The following MGMT variants were observed in gnomAD, a reference collection of about 807,000 sequenced individuals.
MGMT encodes the protein methylated-DNA--protein-cysteine methyltransferase.
A neutral mutation model predicts 15.9 loss-of-function variants in MGMT; 14 were observed. That is an observed-to-expected ratio of 0.88 (90% CI 0.58 to 1.37). MGMT has a LOEUF of 1.37. Ranked by LOEUF, MGMT falls within the 40% of genes most tolerant of loss-of-function variation. MGMT has a pLI of 0.00. For synonymous variants in MGMT, 130 were observed against 118.2 expected, an observed-to-expected ratio of 1.10 and a Z score of -0.65; for missense variants, 282 against 268.1, an observed-to-expected ratio of 1.05 and a Z score of -0.36.
intron 2 of MGMT, among the ~76,000 whole-genome samples, chr10:129,569,799 G>C (rs1467983033): frequency 6.6e-6 from 1 of 152,228 alleles, no homozygotes; most frequent in Non-Finnish European, 1.5e-5. Flanking sequence ...TTTGTGGGAC[G>C]TGTTCTCAAC....
intron 3 of MGMT, among the ~76,000 whole-genome samples, chr10:129,719,919 A>T (rs1451849656): frequency 6.6e-6 from 1 of 152,210 alleles, no homozygotes; most frequent in Admixed American, 6.5e-5. Context: ...TATTTCACAG[A>T]TAGTCTTTTC....
rs1464601648 is a variant in MGMT at position 129,571,972 on chromosome 10, T to C, written c.125+35595T>C. Among the ~76,000 whole-genome samples, 50 of 152,180 alleles carry C rather than the reference T, an allele frequency of 3.3e-4. 1 individual carries two copies. Among genetic ancestry groups the C allele is most frequent in the Admixed American group, 3.3e-3 (50 of 15,274 alleles). On this transcript the variant is annotated intron_variant, in intron 2 of 4. Coordinates refer to ENST00000651593, the MANE Select transcript of MGMT (RefSeq NM_002412.5). ...ACAATTCACGGTGCATTTTAATTGA[T>C]TGTACCCAAGTGACACTCCGTGGAA...
At chr10:129,678,075 C>G (rs1411451059) in intron 2 of MGMT, among the ~76,000 whole-genome samples, 1 of 151,948 alleles carries the variant, frequency 6.6e-6, no homozygotes, top group Non-Finnish European at 1.5e-5. Flanking sequence ...TCCAGAAACG[C>G]TCCTCTCGGG....
In MGMT at chr10:129,569,459, T is replaced by G. The variant is rs1313555103; in HGVS notation, c.125+33082T>G. Among the ~76,000 whole-genome samples the G allele has an allele frequency of 4.6e-5, 7 of 152,332 alleles. 1 individual carries two copies. In the South Asian group the frequency reaches 1.4e-3, roughly 32 times the overall value. ...TTCATTTATCATCCACGCTAGAGAC[T>G]GGTCTTCCAGAGGATATTCCTACCT... On this transcript the variant is annotated intron_variant, in intron 2 of 4. Coordinates refer to ENST00000651593, the MANE Select transcript of MGMT (RefSeq NM_002412.5).
At chr10:129,631,304 G>A (rs1365919210) in intron 2 of MGMT, among the ~76,000 whole-genome samples, 2 of 152,184 alleles carry the variant, frequency 1.3e-5, no homozygotes, top group Non-Finnish European at 2.9e-5. Flanking sequence ...GTGTTAAAGA[G>A]CCAAATAGTA....
intron 2 of MGMT, among the ~76,000 whole-genome samples, chr10:129,604,540 C>G (rs1005578316): frequency 6.6e-6 from 1 of 152,154 alleles, no homozygotes; most frequent in African/African-American, 2.4e-5. Flanking sequence ...TCAATCCATG[C>G]AAGTTTTATG....
At chr10:129,473,049 A>G (rs1845250381) in intron 1 of MGMT, among the ~76,000 whole-genome samples, 1 of 152,186 alleles carries the variant, frequency 6.6e-6, no homozygotes, top group South Asian at 2.1e-4. Context: ...GGCACTTGGC[A>G]GTTGCTGATA....
intron 2 of MGMT, among the ~76,000 whole-genome samples, chr10:129,651,406 T>A (rs542023266): frequency 6.6e-6 from 1 of 152,150 alleles, no homozygotes; most frequent in Non-Finnish European, 1.5e-5. Flanking sequence ...AAACCTTTTT[T>A]TTAAGAAAAA....
rs1033206939 is a variant in MGMT, at chr10:129,769,159, C to G, written c.*2162C>G. ...CCTTGGTGCAGTACAAAACCATGTTCTGCTTCCTCTCCGAGGGTTTCCGCG... is the reference window on the plus strand; with the variant it reads ...CCTTGGTGCAGTACAAAACCATGTTGTGCTTCCTCTCCGAGGGTTTCCGCG... On this transcript the variant is annotated 3_prime_UTR_variant, in exon 5 of 5. Coordinates refer to ENST00000651593, the MANE Select transcript of MGMT (RefSeq NM_002412.5). 1 of 152,280 alleles carries G rather than the reference C, an allele frequency of 6.6e-6. No individual in the cohort carries two copies. The highest frequency in any genetic ancestry group is 1.5e-5 in the Non-Finnish European group (1 of 68,082). The allele number at this position is 152,280 out of a possible 1,614,324, so 9.4% of individuals were successfully genotyped here. A position where few individuals can be genotyped will look rare whatever the true frequency, so the allele number is the denominator to read the frequency against.
intron 2 of MGMT, among the ~76,000 whole-genome samples, chr10:129,697,313 T>C (rs1441976332): frequency 6.6e-6 from 1 of 152,152 alleles, no homozygotes; most frequent in Non-Finnish European, 1.5e-5. Context: ...CATGTGGGCG[T>C]GTGGACTTGT....
intron 2 of MGMT, among the ~76,000 whole-genome samples, chr10:129,650,793 C>T (rs1252160459): frequency 6.6e-6 from 1 of 152,168 alleles, no homozygotes; most frequent in Non-Finnish European, 1.5e-5. Flanking sequence ...CATTTGGAGC[C>T]ATGTCCTTGG....
intron 2 of MGMT, among the ~76,000 whole-genome samples, chr10:129,544,360 T>A (rs939796087): frequency 6.6e-6 from 1 of 152,228 alleles, no homozygotes; most frequent in African/African-American, 2.4e-5. Flanking sequence ...ACTTCTTGGC[T>A]CAAATCCCTG....
intron 2 of MGMT, among the ~76,000 whole-genome samples, chr10:129,610,344 ACTC>A (rs1490021243): frequency 1.3e-5 from 2 of 151,530 alleles, no homozygotes; most frequent in African/African-American, 4.9e-5. Flanking sequence ...TTCTCTCTAA[ACTC>A]CTCTCCTCCA....
chr10:129,671,879 A>G (rs983582244), intron 2 of MGMT, among the ~76,000 whole-genome samples: 1 of 152,230 alleles, frequency 6.6e-6, no homozygotes, highest in Non-Finnish European at 1.5e-5. Flanking sequence ...GGCTATGGAC[A>G]TGAGTTTGGC....
chr10:129,635,084 G>A (rs557288285), intron 2 of MGMT, among the ~76,000 whole-genome samples: 2 of 152,304 alleles, frequency 1.3e-5, no homozygotes, highest in East Asian at 1.9e-4. Context: ...GCCCCGGATG[G>A]TCTGTGAATA....
At chr10:129,478,552 G>T (rs1292851445) in intron 1 of MGMT, among the ~76,000 whole-genome samples, 1 of 152,244 alleles carries the variant, frequency 6.6e-6, no homozygotes, top group East Asian at 1.9e-4. Flanking sequence ...TCATGCTGTG[G>T]ATTGTAGATC....
rs1847573650 is a variant in MGMT at position 129,659,645 on chromosome 10, A to G, written c.126-48250A>G. 6.6e-6 allele frequency among the ~76,000 whole-genome samples: 1 copy of G among 152,346 alleles called. No individual in the cohort carries two copies. Among genetic ancestry groups the G allele is most frequent in the East Asian group, 1.9e-4 (1 of 5,188 alleles). On this transcript the variant is annotated intron_variant, in intron 2 of 4. Coordinates refer to ENST00000651593, the MANE Select transcript of MGMT (RefSeq NM_002412.5). The surrounding 1 kb of genome is among the most constrained non-coding windows in gnomAD (Gnocchi z 4.1). ...GCATGTACAAAGGCCCTGAAGATGA[A>G]TGACTGTGTGAAATTTTGAAGAGCA...
Position 129,627,421 on chromosome 10 carries a change from AAG to A in MGMT, c.126-80472_126-80471del, listed in dbSNP as rs1165921298. Among the ~76,000 whole-genome samples, 435 of 56,472 alleles carry A rather than the reference AAG, an allele frequency of 7.7e-3. 5 individuals are homozygous for A. The South Asian group carries it at 0.11, about 14-fold the overall frequency. The allele number at this position is 56,472 out of a possible 152,430, so 37.0% of individuals were successfully genotyped here. A position where few individuals can be genotyped will look rare whatever the true frequency, so the allele number is the denominator to read the frequency against. On this transcript the variant is annotated intron_variant, in intron 2 of 4. Transcript: ENST00000651593. Reference sequence around the variant, plus strand: ...CTGCTTCCCTCCTCTACTCAAAAAAAAGAAAGAAAGAAAAAAGCAGCTTTTGC... The same window carrying A: ...CTGCTTCCCTCCTCTACTCAAAAAAAAAAGAAAGAAAAAAGCAGCTTTTGC...
chr10:129,689,552 C>A (rs1381159071), intron 2 of MGMT, among the ~76,000 whole-genome samples: 1 of 152,204 alleles, frequency 6.6e-6, no homozygotes, highest in Admixed American at 6.5e-5. Context: ...AAATGTTTGT[C>A]AAGAAGACAG....
Sources: gnomAD v4.1 joint callset for allele counts (sites outside exome capture counted in the v4.1 genomes callset) on GRCh38, gnomAD v4.1.1 for gene constraint, Gnocchi (gnomAD v3.1) non-coding constraint, MANE v1.5 for transcripts, NCBI Gene and HGNC (gene_info 2026-07-23, HGNC 2026-07-21) for gene names.